The following ARHGEF33 variants were observed in gnomAD, a reference collection of about 807,000 sequenced individuals.
The protein encoded by ARHGEF33 is Rho guanine nucleotide exchange factor 33, also known as DH and coiled-coil domain-containing protein ENSP00000381780.
In ARHGEF33, 72 loss-of-function variants were observed where a neutral mutation model predicts 101.9. The ratio of observed to expected loss-of-function variants is 0.71; its 90% CI spans 0.58 to 0.86. The LOEUF (loss-of-function observed/expected upper bound fraction) is 0.86, where lower values mean the gene tolerates loss of function less well. Among genes scored for constraint, ARHGEF33 ranks in the 40% least tolerant of loss-of-function variants. The pLI, the probability that ARHGEF33 is intolerant of heterozygous loss-of-function variation, is 0.00. For missense variants in ARHGEF33, 1,169 were observed against 1,111.3 expected (o/e 1.05, Z -0.74); for synonymous variants, 499 against 442.5 (o/e 1.13, Z -1.60).
intron 17 of ARHGEF33, 153 bp from the exon 18 acceptor site, chr2:38,973,561 A>G: frequency 1.4e-6 from 1 of 720,292 alleles, no homozygotes; most frequent in Non-Finnish European, 2.1e-6. Context: ...TTAGATACAC[A>G]TGTCCTAAGT....
chr2:38,944,838 A>T (rs1233927834), intron 10 of ARHGEF33, among the ~76,000 whole-genome samples: 4 of 150,612 alleles, frequency 2.7e-5, no homozygotes, highest in Non-Finnish European at 4.4e-5. Flanking sequence ...GGGCCTTATT[A>T]TTCATGTGGG....
At chr2:38,929,466 A>G (rs1666945887) in intron 5 of ARHGEF33, among the ~76,000 whole-genome samples, 1 of 151,940 alleles carries the variant, frequency 6.6e-6, no homozygotes, top group South Asian at 2.1e-4. Flanking sequence ...TTTCCATAGC[A>G]GCCAAATATA....
At chr2:38,913,593 G>A (rs888685826) in intron 2 of ARHGEF33, among the ~76,000 whole-genome samples, 2 of 151,936 alleles carry the variant, frequency 1.3e-5, no homozygotes, top group African/African-American at 4.8e-5. Context: ...TGGCCAACAT[G>A]GCAAAAACCC....
chr2:38,894,951 GA>G (rs1004933726), intron 1 of ARHGEF33, among the ~76,000 whole-genome samples: 18 of 147,322 alleles, frequency 1.2e-4, no homozygotes, highest in South Asian at 6.4e-4. Context: ...AATCTTTTAA[GA>G]AAAAAAAAAT....
intron 2 of ARHGEF33, among the ~76,000 whole-genome samples, chr2:38,910,244 T>C (rs1269171927): frequency 6.6e-6 from 1 of 152,222 alleles, no homozygotes; most frequent in Non-Finnish European, 1.5e-5. Context: ...ATGTATGTTT[T>C]CCTAGAAAAT....
chr2:38,966,295 G>T (rs543619266), intron 17 of ARHGEF33, 150 bp downstream of exon 17: 1 of 1,086,590 alleles, frequency 9.2e-7, no homozygotes, highest in African/African-American at 1.6e-5. Context: ...TTCCGGCGGG[G>T]TGAAGATGTT....
chr2:38,941,713 A>G (rs572181541), intron 9 of ARHGEF33, among the ~76,000 whole-genome samples: 13 of 151,850 alleles, frequency 8.6e-5, no homozygotes, highest in Admixed American at 5.2e-4. Context: ...ACACCTGGCT[A>G]ATTTTTGTAT....
At chr2:38,946,481 C>G (rs76911048) in intron 10 of ARHGEF33, among the ~76,000 whole-genome samples, 6,430 of 152,290 alleles carry the variant, frequency 0.042, 282 homozygotes, top group African/African-American at 0.11. Context: ...ACCCCACCCT[C>G]TTCGTTAGTA....
Position 38,937,431 on chromosome 2 carries a change from G to A in ARHGEF33, c.662G>A (p.Arg221Lys). Residue 221 changes from arginine to lysine, a missense_variant, in exon 9 of 18, where the codon AGG (arginine) becomes AAG (lysine). Physicochemically the swap from Arg to Lys is conservative, Grantham distance 26. Coordinates refer to ENST00000409978, the MANE Select transcript of ARHGEF33 (RefSeq NM_001145451.5). ...GGCCATCTCCCATCTGGCATGTGGA[G>A]GCAGCCTAAGGATGGTAAAGAATGG... ...SKGHLPSGMW[R>K]QPKDGKEWGE... 6.5e-7 allele frequency: 1 copy of A among 1,548,862 alleles called. No homozygotes were observed. Among genetic ancestry groups the A allele is most frequent in the Non-Finnish European group, 8.7e-7 (1 of 1,145,624 alleles).
chr2:38,922,988 C>T (rs1206951868), intron 4 of ARHGEF33, among the ~76,000 whole-genome samples: 3 of 152,152 alleles, frequency 2.0e-5, no homozygotes, highest in Non-Finnish European at 2.9e-5. Flanking sequence ...TGCCCACTTC[C>T]CCTCTGTTCT....
rs181127196 is a variant in ARHGEF33 at position 38,965,590 on chromosome 2, G to C, written c.2344-416G>C. ...AAGTAAGGAACATCCTTATTTTGTAGAAAGAGAAACACCTGGAGATAAGAG... is the reference window on the plus strand; with the variant it reads ...AAGTAAGGAACATCCTTATTTTGTACAAAGAGAAACACCTGGAGATAAGAG... On this transcript the variant is annotated intron_variant, in intron 16 of 17. Coordinates refer to ENST00000409978, the MANE Select transcript of ARHGEF33 (RefSeq NM_001145451.5). Among the ~76,000 whole-genome samples the C allele has an allele frequency of 2.1e-3, 313 of 152,314 alleles. 1 individual carries two copies. The highest frequency in any genetic ancestry group is 7.3e-3 in the African/African-American group (304 of 41,578).
chr2:38,890,957 C>A (rs1665982101), intron 1 of ARHGEF33, among the ~76,000 whole-genome samples: 1 of 147,438 alleles, frequency 6.8e-6, no homozygotes, highest in Non-Finnish European at 1.5e-5. Flanking sequence ...AACAAGATGA[C>A]CATACTATTG....
At chr2:38,935,916 T>C in intron 8 of ARHGEF33, 82 bp downstream of exon 8, 1 of 1,165,200 alleles carries the variant, frequency 8.6e-7, no homozygotes, top group Non-Finnish European at 1.2e-6. Flanking sequence ...TCCACTTCCT[T>C]AGTTTCAAAC....
At chr2:38,931,041 C>T in intron 6 of ARHGEF33, 68 bp from the exon 7 acceptor site, 1 of 1,245,182 alleles carries the variant, frequency 8.0e-7, no homozygotes, top group Non-Finnish European at 1.1e-6. Context: ...TTGTTCTGAA[C>T]TGAATCTCCT....
chr2:38,892,572 A>G (rs994155156), intron 1 of ARHGEF33, among the ~76,000 whole-genome samples: 3 of 152,242 alleles, frequency 2.0e-5, no homozygotes, highest in African/African-American at 7.2e-5. Flanking sequence ...AGAGTTAGTC[A>G]GTGCACCCCC....
chr2:38,891,619 G>C (rs182547766), intron 1 of ARHGEF33, among the ~76,000 whole-genome samples: 1 of 152,176 alleles, frequency 6.6e-6, no homozygotes, highest in Non-Finnish European at 1.5e-5. Flanking sequence ...TAGGACTGGA[G>C]TATGATTTGT....
At chr2:38,911,596 T>A (rs1051376464) in intron 2 of ARHGEF33, among the ~76,000 whole-genome samples, 23 of 152,314 alleles carry the variant, frequency 1.5e-4, no homozygotes, top group Middle Eastern at 6.8e-3. Flanking sequence ...TTTAAAAAAA[T>A]TTTTCTGAAT....
chr2:38,919,365 G>T lies in ARHGEF33; in HGVS notation c.-83G>T. 3 of 1,360,348 alleles carry T rather than the reference G, an allele frequency of 2.2e-6. No individual in the cohort carries two copies. The highest frequency in any genetic ancestry group is 3.1e-6 in the Non-Finnish European group (3 of 972,660). The allele number at this position is 1,360,348 out of a possible 1,614,324, so 84.3% of individuals were successfully genotyped here. A position where few individuals can be genotyped will look rare whatever the true frequency, so the allele number is the denominator to read the frequency against. On this transcript the variant is annotated splice_region_variant and 5_prime_UTR_variant, in exon 3 of 18. Coordinates refer to ENST00000409978, the MANE Select transcript of ARHGEF33 (RefSeq NM_001145451.5). ...TTACTCTTGATTTGAATTGACAGGT[G>T]CAGGGAAGAGGAGGTGGCCTGAGCC... is the stretch of plus-strand genomic sequence containing the variant.
chr2:38,936,154 C>T (rs1022296393), intron 8 of ARHGEF33, among the ~76,000 whole-genome samples: 1 of 152,194 alleles, frequency 6.6e-6, no homozygotes, highest in Non-Finnish European at 1.5e-5. Flanking sequence ...TTCCGTGGAT[C>T]ACACACTGTA....
Sources: allele counts gnomAD v4.1 joint callset (sites outside exome capture counted in the v4.1 genomes callset), GRCh38; gene constraint gnomAD v4.1.1; transcripts MANE v1.5; gene names NCBI Gene and HGNC (gene_info 2026-07-23, HGNC 2026-07-21).